The following FBN2 variants were observed in gnomAD, a reference collection of about 807,000 sequenced individuals.
FBN2 encodes the protein fibrillin-2.
A neutral mutation model predicts 355.6 loss-of-function variants in FBN2; 105 were observed. The ratio of observed to expected loss-of-function variants is 0.30; its 90% CI spans 0.25 to 0.35. The LOEUF is 0.35. FBN2 is among the 10% of genes least tolerant of loss of function. FBN2 has a pLI of 1.00. For missense variants in FBN2, 3,280 were observed against 3,758.7 expected, an observed-to-expected ratio of 0.87 and a Z score of 3.33; for synonymous variants, 1,350 against 1,301.2, an observed-to-expected ratio of 1.04 and a Z score of -0.81.
chr5:128,294,113 T>A, intron 48 of FBN2, among the ~76,000 whole-genome samples: 1 of 152,064 alleles, frequency 6.6e-6, no homozygotes, highest in East Asian at 1.9e-4. Context: ...TTGCGATAGT[T>A]TACTGAGAAT....
intron 31 of FBN2, among the ~76,000 whole-genome samples, chr5:128,333,945 T>TA (rs1342322556): frequency 2.6e-5 from 4 of 151,018 alleles, no homozygotes; most frequent in African/African-American, 9.7e-5. Flanking sequence ...ATCTGCCCCT[T>TA]ACTGGAGGGG....
At chr5:128,525,815 A>G (rs988944413) in intron 4 of FBN2, among the ~76,000 whole-genome samples, 4 of 152,176 alleles carry the variant, frequency 2.6e-5, no homozygotes, top group African/African-American at 9.7e-5. Context: ...TAGTTGAAAA[A>G]TCAAAGAAAT....
intron 7 of FBN2, among the ~76,000 whole-genome samples, chr5:128,421,136 A>G (rs3805651): frequency 0.17 from 25,597 of 152,220 alleles, 2,253 homozygotes; most frequent in Non-Finnish European, 0.21. Flanking sequence ...AGAAAACAAT[A>G]AAACTAGAAA....
intron 20 of FBN2, among the ~76,000 whole-genome samples, chr5:128,353,523 T>C (rs754909768): frequency 1.3e-5 from 2 of 152,212 alleles, no homozygotes; most frequent in Non-Finnish European, 2.9e-5. Context: ...CATCTGTAAA[T>C]TCCATAGCAC....
intron 25 of FBN2, among the ~76,000 whole-genome samples, chr5:128,342,798 G>A (rs1023935114): frequency 4.0e-5 from 6 of 151,384 alleles, no homozygotes; most frequent in Admixed American, 2.6e-4. Context: ...GCACGATCTC[G>A]GCTCACCAAA....
chr5:128,262,217 A>T (rs1764993386), intron 63 of FBN2, among the ~76,000 whole-genome samples: 2 of 151,710 alleles, frequency 1.3e-5, no homozygotes, highest in East Asian at 1.9e-4. Context: ...CATCCAACTA[A>T]TTTTTTTTAA....
intron 6 of FBN2, among the ~76,000 whole-genome samples, chr5:128,454,393 G>A (rs1184106504): frequency 6.6e-6 from 1 of 152,186 alleles, no homozygotes; most frequent in African/African-American, 2.4e-5. Context: ...TGTTAATACA[G>A]CATGAATTAA....
intron 7 of FBN2, chr5:128,442,398 T>C (rs1753945961): frequency 2.2e-6 from 1 of 456,194 alleles, no homozygotes; most frequent in African/African-American, 2.0e-5. Flanking sequence ...AAATACTTTA[T>C]TGTACAAAAG....
In FBN2 at chr5:128,286,889, G is replaced by A. The variant is rs1442319531; in HGVS notation, c.6881-40C>T. 3 of 1,597,494 alleles carry A rather than the reference G, an allele frequency of 1.9e-6. No individual in the cohort carries two copies. In the Admixed American group the frequency reaches 5.1e-5, roughly 27 times the overall value. ...AAAAATTAAAAATTATCTGGAGCAA[G>A]CTGTAGTTTAGTACTTTTAAGTCAC... On this transcript the variant is annotated intron_variant, in intron 54 of 64. Transcript: ENST00000262464.
chr5:128,318,028 G>A (rs963370445), intron 36 of FBN2, 121 bp downstream of exon 36: 14 of 1,038,016 alleles, frequency 1.3e-5, no homozygotes, highest in African/African-American at 1.1e-4. Flanking sequence ...CAATAAAGGC[G>A]ACCACATAAT....
intron 8 of FBN2, among the ~76,000 whole-genome samples, chr5:128,405,214 T>C (rs561489192): frequency 6.6e-6 from 1 of 152,120 alleles, no homozygotes; most frequent in African/African-American, 2.4e-5. Flanking sequence ...AAAGGAAAAG[T>C]GATACCTATT....
chr5:128,342,637 G>C (rs1751056644), intron 25 of FBN2, among the ~76,000 whole-genome samples: 1 of 152,122 alleles, frequency 6.6e-6, no homozygotes, highest in African/African-American at 2.4e-5. Context: ...GCAGGAGCTG[G>C]GAAGGAGGGA....
intron 27 of FBN2, 145 bp from the exon 28 acceptor site, chr5:128,336,258 A>T: frequency 1.2e-6 from 1 of 813,552 alleles, no homozygotes; most frequent in Non-Finnish European, 2.1e-6. Flanking sequence ...ATTGAAAGAA[A>T]ATGCTGGATT....
At chr5:128,467,923 T>C (rs1754755851) in intron 5 of FBN2, among the ~76,000 whole-genome samples, 2 of 152,192 alleles carry the variant, frequency 1.3e-5, no homozygotes, top group African/African-American at 2.4e-5. Flanking sequence ...CATCAAAAAC[T>C]TTGGCTGCTA....
In FBN2 at chr5:128,408,675, G is replaced by A. The variant is rs1240936847; in HGVS notation, c.1077C>T (p.Ile359=). Residue 359 remains isoleucine, a splice_region_variant and synonymous_variant, in exon 8 of 65, where the codon ATC becomes ATT. Transcript: ENST00000262464. ...GAGCCTTCAAAATGCGAGGCTTACC[G>A]ATGCATCGAGAGCCATCTGTTGAGG... ...YVTSTDGSRC[I]DQRTGMCFSG... 6.2e-7 allele frequency: 1 copy of A among 1,613,844 alleles called. No homozygotes were observed. The highest frequency in any genetic ancestry group is 8.5e-7 in the Non-Finnish European group (1 of 1,179,862).
chr5:128,274,771 C>G (rs1333676752), intron 59 of FBN2, 88 bp from the exon 60 acceptor site: 1 of 829,422 alleles, frequency 1.2e-6, no homozygotes, highest in African/African-American at 1.7e-5. Context: ...TGCACATGCT[C>G]CATTAGAAGC....
intron 5 of FBN2, among the ~76,000 whole-genome samples, chr5:128,493,600 A>T (rs534430845): frequency 1.5e-4 from 23 of 152,324 alleles, no homozygotes; most frequent in Admixed American, 1.4e-3. Flanking sequence ...TGTGGGCTTT[A>T]TTATATACTA....
At chr5:128,527,293 G>A (rs933793568) in intron 4 of FBN2, among the ~76,000 whole-genome samples, 1 of 152,066 alleles carries the variant, frequency 6.6e-6, no homozygotes, top group Non-Finnish European at 1.5e-5. Flanking sequence ...TTCATACAGG[G>A]TATTCTCCAG....
intron 7 of FBN2, 153 bp downstream of exon 7, chr5:128,446,328 C>T: frequency 1.3e-6 from 1 of 767,230 alleles, no homozygotes; most frequent in Non-Finnish European, 2.2e-6. Context: ...CTACAATACA[C>T]AAACACAGAA....
Sources: allele counts gnomAD v4.1 joint callset (sites outside exome capture counted in the v4.1 genomes callset), GRCh38; gene constraint gnomAD v4.1.1; transcripts MANE v1.5; gene names NCBI Gene and HGNC (gene_info 2026-07-23, HGNC 2026-07-21).